ACVR1: variants seen among roughly 807,000 people sequenced by gnomAD.
ACVR1 encodes the protein activin receptor type-1.
Under a neutral mutation model 57.1 loss-of-function variants are expected in ACVR1, and 38 were observed. The observed-to-expected ratio is 0.67, with a 90% CI of 0.51 to 0.87. The LOEUF is 0.87. Ranked by LOEUF, ACVR1 falls within the 40% of genes least tolerant of loss-of-function variation. ACVR1 has a pLI of 0.00. For synonymous variants in ACVR1, 212 were observed against 228.1 expected (o/e 0.93, Z 0.63); for missense variants, 463 against 638.2 (o/e 0.73, Z 2.96).
intron 8 of ACVR1, 103 bp downstream of exon 8, chr2:157,765,818 G>A (rs1685841478): frequency 1.6e-6 from 2 of 1,230,330 alleles, no homozygotes; most frequent in Non-Finnish European, 1.2e-6. Context: ...TTTTCTGCAT[G>A]TTTGAAATTT....
chr2:157,755,035 A>G (rs966353949), intron 9 of ACVR1, among the ~76,000 whole-genome samples: 21 of 152,192 alleles, frequency 1.4e-4, no homozygotes, highest in African/African-American at 4.6e-4. Flanking sequence ...CAGATGCAGA[A>G]AAAGCATTTG....
intron 8 of ACVR1, among the ~76,000 whole-genome samples, chr2:157,762,540 G>T (rs1381452826): frequency 1.3e-5 from 2 of 152,148 alleles, no homozygotes; most frequent in Non-Finnish European, 2.9e-5. Context: ...AAAGGTGCAG[G>T]TTAAATAGAA....
At chr2:157,750,933 G>A (rs926592105) in intron 9 of ACVR1, among the ~76,000 whole-genome samples, 1 of 151,884 alleles carries the variant, frequency 6.6e-6, no homozygotes, top group African/African-American at 2.4e-5. Flanking sequence ...GGGAAAAGAT[G>A]GCAGATAGGA....
chr2:157,868,013 A>G (rs1221439229), intron 1 of ACVR1, among the ~76,000 whole-genome samples: 1 of 152,160 alleles, frequency 6.6e-6, no homozygotes, highest in Non-Finnish European at 1.5e-5. Flanking sequence ...ATGTGCCTCT[A>G]AATCTCCCTT....
At chr2:157,764,460 G>C (rs1289211687) in intron 8 of ACVR1, among the ~76,000 whole-genome samples, 3 of 149,250 alleles carry the variant, frequency 2.0e-5, no homozygotes, top group Non-Finnish European at 4.4e-5. Flanking sequence ...CTTCCGCCTC[G>C]GCCTCCCAAA....
intron 9 of ACVR1, among the ~76,000 whole-genome samples, chr2:157,751,269 C>T (rs1685179973): frequency 6.6e-6 from 1 of 152,208 alleles, no homozygotes; most frequent in African/African-American, 2.4e-5. Flanking sequence ...GAATGAAATA[C>T]AGGGGCACAG....
intron 2 of ACVR1, among the ~76,000 whole-genome samples, chr2:157,816,434 C>T (rs1559073784): frequency 2.2e-5 from 3 of 136,414 alleles, no homozygotes; most frequent in South Asian, 2.2e-4. Flanking sequence ...AAAAAACAAA[C>T]GACAAAAAAA....
At chr2:157,855,308 G>GTGTGTATATATATA (rs1307480066) in intron 1 of ACVR1, among the ~76,000 whole-genome samples, 37 of 51,642 alleles carry the variant, frequency 7.2e-4, no homozygotes, top group South Asian at 2.4e-3. Context: ...GTGTGTGTGT[G>GTGTGTATATATATA]TATATATATA....
chr2:157,813,074 G>A (rs1359492873), intron 2 of ACVR1, among the ~76,000 whole-genome samples: 4 of 151,868 alleles, frequency 2.6e-5, no homozygotes, highest in Admixed American at 6.6e-5. Flanking sequence ...GGGGGGAGAG[G>A]GTGGTAACTG....
At chr2:157,830,056 T>G (rs987758788) in intron 1 of ACVR1, among the ~76,000 whole-genome samples, 7 of 152,058 alleles carry the variant, frequency 4.6e-5, no homozygotes, top group African/African-American at 1.7e-4. Context: ...CCATCTGTAC[T>G]AAAAATACAA....
chr2:157,850,680 G>C lies in ACVR1; in HGVS notation c.-183+25116C>G, dbSNP rs184695060. On this transcript the variant is annotated intron_variant, in intron 1 of 10. Transcript: ENST00000434821. ...AAAGAAAAAGAAGTTTACTTGGACA[G>C]GGGCAGTGCCTCACACCTGTAATCT... Among the ~76,000 whole-genome samples, 180 of 152,320 alleles carry C rather than the reference G, an allele frequency of 1.2e-3. 1 individual carries two copies. The highest frequency in any genetic ancestry group is 3.8e-3 in the Admixed American group (58 of 15,296).
In ACVR1 at chr2:157,769,401, T is replaced by C. The variant is rs181649375; in HGVS notation, c.790+967A>G. On this transcript the variant is annotated intron_variant, in intron 7 of 10. Coordinates refer to ENST00000434821, the MANE Select transcript of ACVR1 (RefSeq NM_001111067.4). ...AGCTGACAGCTGAGGTGAGGAGGAT[T>C]AAGTGATGACTAGGACCCGATGGGT... 9.2e-5 allele frequency among the ~76,000 whole-genome samples: 14 copies of C among 152,302 alleles called. No individual in the cohort carries two copies. In the East Asian group the frequency reaches 2.5e-3, roughly 27 times the overall value.
At chr2:157,773,480 A>G (rs1686148399) in intron 6 of ACVR1, among the ~76,000 whole-genome samples, 1 of 152,230 alleles carries the variant, frequency 6.6e-6, no homozygotes, top group South Asian at 2.1e-4. Context: ...TGTGATGTGT[A>G]CAAACACATG....
chr2:157,817,997 G>A lies in ACVR1; in HGVS notation c.-8+388C>T, dbSNP rs1351230086. Among the ~76,000 whole-genome samples the A allele has an allele frequency of 1.6e-4, 16 of 98,178 alleles. No individual in the cohort carries two copies. The East Asian group carries it at 3.1e-3, about 19-fold the overall frequency. 64.4% of individuals were successfully genotyped at this position (98,178 alleles called of 152,430 possible). A position where few individuals can be genotyped will look rare whatever the true frequency, so the allele number is the denominator to read the frequency against. Reference sequence around the variant, plus strand: ...AGCCTAGGTGACAGAACGAGACTCCGTCTCAAAAAAAAAAAAAACAAAAGA... The same window carrying A: ...AGCCTAGGTGACAGAACGAGACTCCATCTCAAAAAAAAAAAAAACAAAAGA... On this transcript the variant is annotated intron_variant, in intron 2 of 10. Transcript: ENST00000434821.
intron 2 of ACVR1, among the ~76,000 whole-genome samples, chr2:157,815,976 T>C (rs1687920028): frequency 6.6e-6 from 1 of 152,164 alleles, no homozygotes; most frequent in South Asian, 2.1e-4. Flanking sequence ...TGAGGACTGG[T>C]GATTATTACA....
At chr2:157,784,411 G>A (rs973232333) in intron 3 of ACVR1, among the ~76,000 whole-genome samples, 4 of 152,224 alleles carry the variant, frequency 2.6e-5, no homozygotes, top group Admixed American at 6.5e-5. Flanking sequence ...CGAATATCCA[G>A]GAAGTGCCCT....
intron 1 of ACVR1, among the ~76,000 whole-genome samples, chr2:157,852,933 G>A (rs1303917644): frequency 1.3e-5 from 2 of 152,184 alleles, no homozygotes; most frequent in African/African-American, 2.4e-5. Flanking sequence ...AAGGGCATCA[G>A]TGGATTACTT....
intron 1 of ACVR1, among the ~76,000 whole-genome samples, chr2:157,844,467 C>T (rs1414395234): frequency 6.6e-6 from 1 of 152,054 alleles, no homozygotes; most frequent in African/African-American, 2.4e-5. Flanking sequence ...TTAGTTACTC[C>T]ACACCAAAAG....
At chr2:157,753,993 C>A (rs187822287) in intron 9 of ACVR1, among the ~76,000 whole-genome samples, 1 of 152,196 alleles carries the variant, frequency 6.6e-6, no homozygotes, top group Non-Finnish European at 1.5e-5. Flanking sequence ...AATTAAATCT[C>A]CTGCTCCTCA....
Sources: allele counts gnomAD v4.1 joint callset (sites outside exome capture counted in the v4.1 genomes callset), GRCh38; gene constraint gnomAD v4.1.1; transcripts MANE v1.5; gene names NCBI Gene and HGNC (gene_info 2026-07-23, HGNC 2026-07-21).